CFAP70: variants seen among roughly 807,000 people sequenced by gnomAD.
The protein encoded by CFAP70 is cilia and flagella associated protein 70.
CFAP70 carries 81 observed loss-of-function variants against 137.6 expected under a neutral mutation model. The observed-to-expected ratio is 0.59, with a 90% CI of 0.49 to 0.71. The LOEUF (loss-of-function observed/expected upper bound fraction) is 0.71. CFAP70 is among the 30% of genes least tolerant of loss of function. CFAP70 has a pLI of 0.00. For synonymous variants in CFAP70, 382 were observed against 423.6 expected (o/e 0.90, Z 1.20); for missense variants, 976 against 1,226.7 (o/e 0.80, Z 3.05).
chr10:73,325,832 T>C (rs1256836697), intron 8 of CFAP70, among the ~76,000 whole-genome samples: 2 of 152,160 alleles, frequency 1.3e-5, no homozygotes, highest in Non-Finnish European at 2.9e-5. Context: ...CCCACATTCA[T>C]AAAGCAAGTC....
chr10:73,348,295 G>A, intron 4 of CFAP70, 60 bp from the exon 5 acceptor site: 2 of 1,579,878 alleles, frequency 1.3e-6, no homozygotes, highest in Non-Finnish European at 1.7e-6. Context: ...ATGACTGCAG[G>A]CAGAGATAAA....
At chr10:73,357,096 G>A (rs2054739277) in intron 1 of CFAP70, among the ~76,000 whole-genome samples, 1 of 152,148 alleles carries the variant, frequency 6.6e-6, no homozygotes, top group Non-Finnish European at 1.5e-5. Context: ...GAGGAAAAGG[G>A]GGGTGGAAAT....
intron 19 of CFAP70, among the ~76,000 whole-genome samples, chr10:73,282,505 C>G (rs1180817101): frequency 6.6e-6 from 1 of 152,120 alleles, no homozygotes; most frequent in Non-Finnish European, 1.5e-5. Flanking sequence ...GACATTAAAA[C>G]AGGGTCTGCA....
At chr10:73,348,130 A>C (rs767339692) in intron 4 of CFAP70, 26 bp downstream of exon 5, 2 of 1,604,390 alleles carry the variant, frequency 1.2e-6, no homozygotes, top group South Asian at 1.1e-5. Context: ...GCAGGCTGAA[A>C]TGTTGAGAGC....
chr10:73,321,267 A>G (rs1291379281), intron 9 of CFAP70, among the ~76,000 whole-genome samples: 1 of 152,068 alleles, frequency 6.6e-6, no homozygotes, highest in Non-Finnish European at 1.5e-5. Flanking sequence ...AGATACAAAA[A>G]AATAGCCGGG....
chr10:73,323,990 C>T (rs547935018), intron 8 of CFAP70, among the ~76,000 whole-genome samples: 2 of 152,314 alleles, frequency 1.3e-5, no homozygotes, highest in Non-Finnish European at 2.9e-5. Flanking sequence ...AGTGGTTCTC[C>T]CAGCACGCAG....
intron 9 of CFAP70, among the ~76,000 whole-genome samples, chr10:73,314,228 T>C (rs2050158287): frequency 6.6e-6 from 1 of 152,186 alleles, no homozygotes; most frequent in Admixed American, 6.5e-5. Flanking sequence ...GTATGTTCAT[T>C]ATCTTGATTG....
intron 12 of CFAP70, among the ~76,000 whole-genome samples, chr10:73,301,969 C>T (rs553037542): frequency 1.3e-5 from 2 of 151,702 alleles, no homozygotes; most frequent in South Asian, 2.1e-4. Context: ...AATAATATCT[C>T]GAAAAAGCTA....
exon 15 of CFAP70, chr10:73,297,172 T>A (rs762628407): frequency 3.7e-6 from 6 of 1,611,752 alleles, no homozygotes; most frequent in Non-Finnish European, 5.1e-6. Flanking sequence ...TACCACAGCA[T>A]GCTGCAAGAC....
chr10:73,330,786 C>T (rs972771892), intron 8 of CFAP70, among the ~76,000 whole-genome samples: 48 of 152,022 alleles, frequency 3.2e-4, no homozygotes, highest in African/African-American at 1.1e-3. Context: ...AAAGCTATAC[C>T]TTTTAAAAAC....
intron 1 of CFAP70, 51 bp from the exon 2 acceptor site, chr10:73,354,886 G>T (rs1368001808): frequency 9.3e-7 from 1 of 1,074,284 alleles, no homozygotes; most frequent in Non-Finnish European, 1.4e-6. Context: ...AGCTGCACAA[G>T]TACCCATATT....
chr10:73,336,085 G>A (rs1156840603), intron 6 of CFAP70, among the ~76,000 whole-genome samples: 4 of 150,888 alleles, frequency 2.7e-5, no homozygotes, highest in Non-Finnish European at 2.9e-5. Context: ...AGGCTACAAT[G>A]AGCCTCAATA....
At chr10:73,353,197 C>T (rs12255086) in intron 3 of CFAP70, among the ~76,000 whole-genome samples, 2 of 152,160 alleles carry the variant, frequency 1.3e-5, no homozygotes, top group Non-Finnish European at 2.9e-5. Flanking sequence ...TTTTATTTTC[C>T]TGGTCCATAC....
At chr10:73,357,111 T>G (rs560187023) in intron 1 of CFAP70, among the ~76,000 whole-genome samples, 1 of 152,294 alleles carries the variant, frequency 6.6e-6, no homozygotes, top group African/African-American at 2.4e-5. Context: ...GGAAATTTAT[T>G]TTTTCTTTTA....
intron 12 of CFAP70, among the ~76,000 whole-genome samples, chr10:73,300,633 C>T (rs922403099): frequency 5.9e-5 from 9 of 152,040 alleles, no homozygotes; most frequent in African/African-American, 1.9e-4. Context: ...GAGGCCGAGG[C>T]GGGTGGATTG....
intron 25 of CFAP70, among the ~76,000 whole-genome samples, chr10:73,261,944 G>A (rs2045253717): frequency 6.8e-6 from 1 of 147,912 alleles, no homozygotes; most frequent in Non-Finnish European, 1.5e-5. Flanking sequence ...CTTCTCTCAG[G>A]AAAGAATACA....
chr10:73,319,471 C>T (rs1459512224), intron 9 of CFAP70, among the ~76,000 whole-genome samples: 2 of 152,202 alleles, frequency 1.3e-5, no homozygotes, highest in Non-Finnish European at 2.9e-5. Flanking sequence ...GCCCCCCTAC[C>T]CCCACCTCAA....
upstream of CFAP70, among the ~76,000 whole-genome samples, chr10:73,360,992 TA>T (rs1477223686): frequency 4.0e-5 from 6 of 150,854 alleles, no homozygotes; most frequent in Admixed American, 2.6e-4. Flanking sequence ...GGCTGTATGT[TA>T]CAATTTTCTT....
At chr10:73,354,223 C>T (rs774978792) in intron 2 of CFAP70, among the ~76,000 whole-genome samples, 5 of 152,112 alleles carry the variant, frequency 3.3e-5, no homozygotes, top group African/African-American at 4.8e-5. Flanking sequence ...TATGGATGTA[C>T]GTGTGTGTAC....
Sources: allele counts gnomAD v4.1 joint callset (sites outside exome capture counted in the v4.1 genomes callset), GRCh38; gene constraint gnomAD v4.1.1; transcripts MANE v1.5; gene names NCBI Gene and HGNC (gene_info 2026-07-23, HGNC 2026-07-21).